Variants in METAP1 observed in about 807,000 individuals in gnomAD.
METAP1 encodes methionyl aminopeptidase 1, also known as methionine aminopeptidase 1.
In METAP1, 28 loss-of-function variants were observed where a neutral mutation model predicts 53.8. The observed-to-expected ratio is 0.52, with a 90% CI of 0.39 to 0.71. The LOEUF (loss-of-function observed/expected upper bound fraction) is 0.71, where lower values mean the gene tolerates loss of function less well. METAP1 is among the 30% of genes least tolerant of loss of function. The probability of loss-of-function intolerance (pLI) is 0.00; values close to 1 mark genes in which losing one functional copy is unlikely to be tolerated. For synonymous variants in METAP1, 181 were observed against 165.7 expected (o/e 1.09, Z -0.71); for missense variants, 389 against 479.8 (o/e 0.81, Z 1.77).
At chr4:99,026,006 G>T (rs910282185) in intron 1 of METAP1, among the ~76,000 whole-genome samples, 1 of 152,174 alleles carries the variant, frequency 6.6e-6, no homozygotes, top group African/African-American at 2.4e-5. Flanking sequence ...CACCCTTCCA[G>T]ATGGAACCAG....
intron 2 of METAP1, among the ~76,000 whole-genome samples, chr4:99,031,231 G>A (rs1457749492): frequency 1.3e-5 from 2 of 150,440 alleles, no homozygotes; most frequent in Non-Finnish European, 2.9e-5. Flanking sequence ...TTCTGTCACA[G>A]TGTACCTTAA....
In METAP1 at chr4:99,051,617, C is replaced by T. The variant is rs575371142; in HGVS notation, c.931+2741C>T. Among the ~76,000 whole-genome samples the T allele has an allele frequency of 8.0e-4, 121 of 152,172 alleles. 2 individuals are homozygous for T. The highest frequency in any genetic ancestry group is 6.8e-3 in the Middle Eastern group (2 of 294). ...TGTTGCCCAGACTGATATCAAACTC[C>T]TGGGCTCAAGCAGTCTGCTCACCTC... On this transcript the variant is annotated intron_variant, in intron 9 of 10. Coordinates refer to ENST00000296411, the MANE Select transcript of METAP1 (RefSeq NM_015143.3).
At chr4:99,054,194 T>C (rs1235001248) in intron 9 of METAP1, among the ~76,000 whole-genome samples, 1 of 152,188 alleles carries the variant, frequency 6.6e-6, no homozygotes, top group East Asian at 1.9e-4. Context: ...TGGTCTGCAT[T>C]GAAAATCTGT....
chr4:98,997,645 G>C (rs1161662554), intron 1 of METAP1, among the ~76,000 whole-genome samples: 4 of 152,132 alleles, frequency 2.6e-5, no homozygotes, highest in African/African-American at 9.7e-5. Context: ...CCACATTCAT[G>C]AAACAGGTAG....
intron 1 of METAP1, among the ~76,000 whole-genome samples, chr4:98,998,249 A>T (rs1023271723): frequency 6.6e-6 from 1 of 152,200 alleles, no homozygotes; most frequent in Non-Finnish European, 1.5e-5. Flanking sequence ...TTGGCTGGGC[A>T]TGGTGGCTCA....
chr4:99,020,749 C>A (rs1338730135), intron 1 of METAP1, among the ~76,000 whole-genome samples: 2 of 152,180 alleles, frequency 1.3e-5, no homozygotes, highest in Non-Finnish European at 2.9e-5. Flanking sequence ...AGCTGGCAGA[C>A]CCAGTCTTCA....
In METAP1 at chr4:99,039,203, G is replaced by C. The variant is rs1725665362; in HGVS notation, c.341-171G>C. ...CAGTTGGTTTAGCGAGTTTCCCTTT[G>C]ATGTTGAAAATGTTTTTTTTTAAAA... On this transcript the variant is annotated intron_variant, in intron 4 of 10. Coordinates refer to ENST00000296411, the MANE Select transcript of METAP1 (RefSeq NM_015143.3). 4 of 450,138 alleles carry C rather than the reference G, an allele frequency of 8.9e-6. No homozygotes were observed. The East Asian group carries it at 1.1e-4, about 12-fold the overall frequency. 27.9% of individuals were successfully genotyped at this position (450,138 alleles called of 1,614,324 possible).
In METAP1 at chr4:99,037,079, G is replaced by A. The variant is rs78977936; in HGVS notation, c.340+1619G>A. On this transcript the variant is annotated intron_variant, in intron 4 of 10. Coordinates refer to ENST00000296411, the MANE Select transcript of METAP1 (RefSeq NM_015143.3). ...ATTTTAAAATTATGAGTAAGGTTGAGCATCTTTTCATATATTAAAGTCATT... is the reference window on the plus strand; with the variant it reads ...ATTTTAAAATTATGAGTAAGGTTGAACATCTTTTCATATATTAAAGTCATT... Among the ~76,000 whole-genome samples, 127 of 151,924 alleles carry A rather than the reference G, an allele frequency of 8.4e-4. 1 individual carries two copies. In the East Asian group the frequency reaches 0.024, roughly 28 times the overall value.
intron 9 of METAP1, among the ~76,000 whole-genome samples, chr4:99,057,275 C>T (rs1479513245): frequency 6.6e-6 from 1 of 152,210 alleles, no homozygotes; most frequent in African/African-American, 2.4e-5. Flanking sequence ...TTTCTATGGG[C>T]TGTGCACCTG....
chr4:99,033,883 G>A (rs1725238479), intron 2 of METAP1, among the ~76,000 whole-genome samples: 1 of 152,044 alleles, frequency 6.6e-6, no homozygotes, highest in Admixed American at 6.5e-5. Flanking sequence ...TTTTAAAATG[G>A]GCTTTCTATA....
At chr4:99,039,342 T>A (rs77467255) in intron 4 of METAP1, 32 bp from the exon 5 acceptor site, 30,618 of 1,297,722 alleles carry the variant, frequency 0.024, 453 homozygotes, top group Non-Finnish European at 0.029. Flanking sequence ...TTTGCATTCA[T>A]TTTGGTTTTA....
chr4:99,062,444 C>T lies in METAP1; in HGVS notation c.*1127C>T, dbSNP rs1196262788. The T allele has an allele frequency of 1.3e-5, 2 of 152,612 alleles. No individual in the cohort carries two copies. Among genetic ancestry groups the T allele is most frequent in the Non-Finnish European group, 2.9e-5 (2 of 68,042 alleles). The allele number at this position is 152,612 out of a possible 1,614,324, so 9.5% of individuals were successfully genotyped here. On this transcript the variant is annotated 3_prime_UTR_variant, in exon 11 of 11. Coordinates refer to ENST00000296411, the MANE Select transcript of METAP1 (RefSeq NM_015143.3). The stretch of plus-strand genomic sequence containing the variant: ...CCTCAGCTGCCCCATATCTACGTTC[C>T]TTTCAGCAGTTGTCCAAGTAGGAGT...
intron 1 of METAP1, among the ~76,000 whole-genome samples, chr4:99,024,198 GC>G (rs1560707770): frequency 6.6e-6 from 1 of 152,208 alleles, no homozygotes. Context: ...GGTACATGCA[GC>G]CCCCAGTCAC....
intron 1 of METAP1, among the ~76,000 whole-genome samples, chr4:99,003,343 G>T (rs1723008715): frequency 6.6e-6 from 1 of 152,166 alleles, no homozygotes; most frequent in African/African-American, 2.4e-5. Context: ...ACATTCTGAA[G>T]GTTAACCCTG....
intron 1 of METAP1, among the ~76,000 whole-genome samples, chr4:99,010,485 C>T (rs571958682): frequency 6.6e-6 from 1 of 152,234 alleles, no homozygotes; most frequent in South Asian, 2.1e-4. Context: ...AAAAAACACA[C>T]ATGACCAAAT....
Position 99,048,886 on chromosome 4 carries a change from A to G in METAP1, c.931+10A>G, listed in dbSNP as rs370793145. 1.9e-6 allele frequency: 3 copies of G among 1,611,974 alleles called. No homozygotes were observed. The highest frequency in any genetic ancestry group is 2.2e-5 in the South Asian group (2 of 90,596). On this transcript the variant is annotated intron_variant, in intron 9 of 10. Transcript: ENST00000296411. ...GTACCCCACTATGCTAGTAAGTACT[A>G]TCCAGAGATTTGGTATAAGCTCACC...
chr4:99,051,648 C>T (rs115555534), intron 9 of METAP1, among the ~76,000 whole-genome samples: 3,116 of 152,202 alleles, frequency 0.02, 101 homozygotes, highest in African/African-American at 0.069. Context: ...ACCTCAGGCT[C>T]CCAAGGAGCT....
chr4:99,038,313 A>G (rs1465577871), intron 4 of METAP1, among the ~76,000 whole-genome samples: 2 of 151,908 alleles, frequency 1.3e-5, no homozygotes, highest in African/African-American at 4.8e-5. Context: ...TTGCCAGGAC[A>G]GTGTTAAATA....
Position 99,057,755 on chromosome 4 carries a change from A to G in METAP1, c.934A>G (p.Asn312Asp). The change falls in exon 10 of 11, where the codon AAT becomes GAT. Residue 312 changes from asparagine (N) to aspartate (D), a missense_variant and splice_region_variant. Transcript: ENST00000296411. Reference protein sequence around the residue: ...TAPNVPHYAKNKAVGVMKSGH... With the variant: ...TAPNVPHYAKDKAVGVMKSGH... ...GAGATTTTTTTCTTTGATTTCAGAA[A>G]ATAAAGCAGTTGGAGTGATGAAGTC... 1.9e-6 allele frequency: 3 copies of G among 1,584,332 alleles called. No individual in the cohort carries two copies. The highest frequency in any genetic ancestry group is 2.6e-6 in the Non-Finnish European group (3 of 1,164,324).
Sources: gnomAD v4.1 joint callset for allele counts (sites outside exome capture counted in the v4.1 genomes callset) on GRCh38, gnomAD v4.1.1 for gene constraint, MANE v1.5 for transcripts, NCBI Gene and HGNC (gene_info 2026-07-23, HGNC 2026-07-21) for gene names.